PCDHA5: variants seen among roughly 807,000 people sequenced by gnomAD.
PCDHA5 encodes the protein protocadherin alpha 5, also known as protocadherin alpha-5.
A neutral mutation model predicts 61.6 loss-of-function variants in PCDHA5; 43 were observed. The observed-to-expected ratio is 0.70, with a 90% CI of 0.55 to 0.90. The LOEUF is 0.90. Ranked by LOEUF, PCDHA5 falls within the 40% of genes least tolerant of loss-of-function variation. The pLI, the probability that PCDHA5 is intolerant of heterozygous loss-of-function variation, is 0.00. For missense variants in PCDHA5, 1,298 were observed against 1,222.7 expected (o/e 1.06, Z -0.92); for synonymous variants, 627 against 543.9 (o/e 1.15, Z -2.13).
chr5:140,982,544 A>G lies in PCDHA5; in HGVS notation c.2481A>G (p.Thr827=), dbSNP rs781800144. 1.5e-5 allele frequency: 25 copies of G among 1,614,098 alleles called. No individual in the cohort carries two copies. Among genetic ancestry groups the G allele is most frequent in the Non-Finnish European group, 2.1e-5 (25 of 1,180,048 alleles). Residue 827 remains threonine (T), a synonymous_variant, in exon 3 of 4, where the codon ACA becomes ACG. Coordinates refer to ENST00000529859, the MANE Select transcript of PCDHA5 (RefSeq NM_018908.3). ...GAGGGCCTGATCAGCAGTGGCCAAC[A>G]GTATCCAGTGCAACACCAGGTAAAG... The part of the protein sequence containing the change: ...GPGGPDQQWP[T]VSSATPEPEA...
intron 1 of PCDHA5, among the ~76,000 whole-genome samples, chr5:140,827,665 TA>T (rs1400072267): frequency 9.8e-5 from 15 of 152,360 alleles, no homozygotes; most frequent in African/African-American, 3.4e-4. Context: ...GCAGTTCCGT[TA>T]ACACTTAAAT....
chr5:141,007,311 G>T (rs1268953957), intron 3 of PCDHA5, among the ~76,000 whole-genome samples: 1 of 151,596 alleles, frequency 6.6e-6, no homozygotes, highest in Non-Finnish European at 1.5e-5. Context: ...AGCATTTTGG[G>T]AGGCTAAAGT....
rs782516685 is a variant in PCDHA5, at chr5:140,883,846, G to T, written c.2352+59719G>T. ...ACGCGCTGCAGCCGTTGGACCACGAGGAGCTGGAGCTGTTGCAGTTCCAGG... is the reference window on the plus strand; with the variant it reads ...ACGCGCTGCAGCCGTTGGACCACGATGAGCTGGAGCTGTTGCAGTTCCAGG... On this transcript the variant is annotated intron_variant, in intron 1 of 3. Coordinates refer to ENST00000529859, the MANE Select transcript of PCDHA5 (RefSeq NM_018908.3). 7 of 1,612,790 alleles carry T rather than the reference G, an allele frequency of 4.3e-6. No individual in the cohort carries two copies. In the East Asian group the frequency reaches 1.3e-4, roughly 31 times the overall value.
chr5:140,959,491 G>A (rs761208761), intron 1 of PCDHA5, among the ~76,000 whole-genome samples: 6 of 151,956 alleles, frequency 3.9e-5, no homozygotes, highest in Non-Finnish European at 7.4e-5. Context: ...TGTTATATAT[G>A]GATCAAACTA....
At chr5:140,900,498 A>G (rs1554189212) in intron 1 of PCDHA5, among the ~76,000 whole-genome samples, 1 of 152,172 alleles carries the variant, frequency 6.6e-6, no homozygotes, top group Non-Finnish European at 1.5e-5. Context: ...ACTGGTCTCA[A>G]ATTCCCAGCC....
intron 1 of PCDHA5, chr5:140,828,615 G>T: frequency 6.2e-7 from 1 of 1,614,212 alleles, no homozygotes; most frequent in Non-Finnish European, 8.5e-7. Context: ...CTCAGTTCTA[G>T]CGAATACTTC....
chr5:140,843,088 C>G lies in PCDHA5; in HGVS notation c.2352+18961C>G, dbSNP rs1554139726. On this transcript the variant is annotated intron_variant, in intron 1 of 3. Coordinates refer to ENST00000529859, the MANE Select transcript of PCDHA5 (RefSeq NM_018908.3). Reference sequence around the variant, plus strand: ...TGCCGCGGTCTGTGGGCGCGGGCCACGTGGTAGCGAAGGTGCGCGCAGTGG... The same window carrying G: ...TGCCGCGGTCTGTGGGCGCGGGCCAGGTGGTAGCGAAGGTGCGCGCAGTGG... The G allele has an allele frequency of 7.5e-6, 12 of 1,595,530 alleles. 2 individuals carry two copies. Among genetic ancestry groups the G allele is most frequent in the African/African-American group, 6.7e-5 (5 of 74,528 alleles).
chr5:140,943,558 A>T (rs1328715238), intron 1 of PCDHA5, among the ~76,000 whole-genome samples: 1 of 152,194 alleles, frequency 6.6e-6, no homozygotes, highest in Non-Finnish European at 1.5e-5. Flanking sequence ...GTAGACAATA[A>T]TCATTTTAAT....
intron 1 of PCDHA5, among the ~76,000 whole-genome samples, chr5:140,956,511 T>C (rs1293826895): frequency 1.3e-5 from 2 of 152,218 alleles, no homozygotes. Flanking sequence ...TACTTGATCA[T>C]GGTGAATAAG....
intron 1 of PCDHA5, among the ~76,000 whole-genome samples, chr5:140,940,295 G>A (rs1363509137): frequency 5.3e-5 from 8 of 152,110 alleles, no homozygotes; most frequent in Non-Finnish European, 1.0e-4. Flanking sequence ...TGCTTCATCA[G>A]TAATTTATTA....
rs1554149344 is a variant in PCDHA5, at chr5:140,856,961, G to C, written c.2352+32834G>C. 5.0e-6 allele frequency: 8 copies of C among 1,590,776 alleles called. 2 individuals carry two copies. The highest frequency in any genetic ancestry group is 3.4e-5 in the Admixed American group (2 of 59,226). ...AAGGACGGGAGAAATAAAAGTAAATGATGCTATTGACTTTGAGGACAGTAA... is the reference window on the plus strand; with the variant it reads ...AAGGACGGGAGAAATAAAAGTAAATCATGCTATTGACTTTGAGGACAGTAA... On this transcript the variant is annotated intron_variant, in intron 1 of 3. Transcript: ENST00000529859.
rs117279546 is a variant in PCDHA5 at position 140,845,433 on chromosome 5, T to C, written c.2352+21306T>C. On this transcript the variant is annotated intron_variant, in intron 1 of 3. Coordinates refer to ENST00000529859, the MANE Select transcript of PCDHA5 (RefSeq NM_018908.3). ...TGGCAATTTATCATTTAAGTCATTT[T>C]AGTTCTGTTTTTCTTCAACTCTCTG... Among the ~76,000 whole-genome samples the C allele has an allele frequency of 1.1e-4, 16 of 149,790 alleles. No individual in the cohort carries two copies. In the East Asian group the frequency reaches 2.1e-3, roughly 20 times the overall value.
At chr5:140,870,502 A>G (rs781840750) in intron 1 of PCDHA5, 15 of 1,614,222 alleles carry the variant, frequency 9.3e-6, no homozygotes, top group Non-Finnish European at 1.2e-5. Context: ...GAAGGAGAAC[A>G]ACCCACCAGG....
chr5:140,829,768 C>T (rs2150174166), intron 1 of PCDHA5: 18 of 1,613,762 alleles, frequency 1.1e-5, no homozygotes, highest in African/African-American at 5.3e-5. Context: ...TGGACGAGAA[C>T]GACAACGCGC....
At chr5:140,876,815 T>A in intron 1 of PCDHA5, 2 of 1,614,148 alleles carry the variant, frequency 1.2e-6, no homozygotes, top group Non-Finnish European at 1.7e-6. Flanking sequence ...GTGGCCGACG[T>A]GAACGACAAT....
At chr5:140,986,480 T>A (rs781884269) in intron 3 of PCDHA5, among the ~76,000 whole-genome samples, 16 of 152,200 alleles carry the variant, frequency 1.1e-4, no homozygotes, top group Non-Finnish European at 1.5e-4. Flanking sequence ...GATCAGTTCC[T>A]AGGGCAATCC....
At chr5:140,875,597 G>T in intron 1 of PCDHA5, 1 of 1,613,960 alleles carries the variant, frequency 6.2e-7, no homozygotes, top group African/African-American at 1.3e-5. Flanking sequence ...GCCAAACACG[G>T]CACCTTCGTG....
rs2150119705 is a variant in PCDHA5, at chr5:140,822,833, C to A, written c.1058C>A (p.Thr353Asn). The stretch of plus-strand genomic sequence containing the variant: ...AATACCCCAGAGATGGCCATAACCA[C>A]CCTTTTCCTGCCTGTCAAAGAGGAC... The part of the protein sequence containing the change: ...NDNTPEMAIT[T>N]LFLPVKEDAP... Residue 353 changes from threonine (T) to asparagine (N), a missense_variant, in exon 1 of 4, where the codon ACC (threonine) becomes AAC (asparagine). Coordinates refer to ENST00000529859, the MANE Select transcript of PCDHA5 (RefSeq NM_018908.3). The A allele has an allele frequency of 0.011, 17,399 of 1,614,148 alleles. 1,609 individuals carry two copies. In the African/African-American group the frequency reaches 0.2, roughly 19 times the overall value.
intron 1 of PCDHA5, among the ~76,000 whole-genome samples, chr5:140,973,258 C>T (rs952911948): frequency 1.3e-5 from 2 of 152,168 alleles, no homozygotes; most frequent in African/African-American, 4.8e-5. Flanking sequence ...CTTTCAGTGG[C>T]ACCTACTTTT....
Sources: allele counts gnomAD v4.1 joint callset (sites outside exome capture counted in the v4.1 genomes callset), GRCh38; gene constraint gnomAD v4.1.1; transcripts MANE v1.5; gene names NCBI Gene and HGNC (gene_info 2026-07-23, HGNC 2026-07-21).